Variants in FAM47E observed in about 807,000 individuals in gnomAD.
The protein encoded by FAM47E is protein FAM47E.
FAM47E carries 32 observed loss-of-function variants against 41.6 expected under a neutral mutation model. That is an observed-to-expected ratio of 0.77 (90% CI 0.58 to 1.03). The LOEUF (loss-of-function observed/expected upper bound fraction) is 1.03, where lower values mean the gene tolerates loss of function less well. Ranked by LOEUF, FAM47E falls within the 50% of genes least tolerant of loss-of-function variation. The pLI, the probability that FAM47E is intolerant of heterozygous loss-of-function variation, is 0.00. For synonymous variants in FAM47E, 184 were observed against 188.7 expected (o/e 0.98, Z 0.20); for missense variants, 424 against 485.4 (o/e 0.87, Z 1.19).
In FAM47E at chr4:76,280,347, T is replaced by C. The variant is rs1265148345; in HGVS notation, c.1104+6T>C. Reference sequence around the variant, plus strand: ...GGGGCTACAGGACGCCACGTGTGAGTAAAGGGTCCTTTCAGAAGGCCCTGC... The same window carrying C: ...GGGGCTACAGGACGCCACGTGTGAGCAAAGGGTCCTTTCAGAAGGCCCTGC... On this transcript the variant is annotated splice_donor_region_variant and intron_variant, in intron 7 of 7. Transcript: ENST00000424749. The C allele has an allele frequency of 2.7e-6, 4 of 1,506,082 alleles. No individual in the cohort carries two copies. Among genetic ancestry groups the C allele is most frequent in the Middle Eastern group, 1.7e-4 (1 of 5,876 alleles). 93.3% of individuals were successfully genotyped at this position (1,506,082 alleles called of 1,614,324 possible).
In FAM47E at chr4:76,255,982, C is replaced by T. The variant is rs181786950; in HGVS notation, c.75-196C>T. On this transcript the variant is annotated intron_variant, in intron 1 of 7. Coordinates refer to ENST00000424749, the MANE Select transcript of FAM47E (RefSeq NM_001136570.3). Reference sequence around the variant, plus strand: ...AAGAAAGCAAGAGAGGGGCTTTGTACGGAGCAGCAATTCTGTGCTATGAAC... The same window carrying T: ...AAGAAAGCAAGAGAGGGGCTTTGTATGGAGCAGCAATTCTGTGCTATGAAC... 8.7e-4 allele frequency among the ~76,000 whole-genome samples: 132 copies of T among 152,166 alleles called. 2 individuals are homozygous for T. The highest frequency in any genetic ancestry group is 2.8e-3 in the African/African-American group (118 of 41,460).
At chr4:76,250,182 G>A (rs115229447), upstream of FAM47E, among the ~76,000 whole-genome samples, 306 of 152,196 alleles carry the variant, frequency 2.0e-3, 3 homozygotes, top group African/African-American at 6.7e-3. Context: ...CACCAGCAGC[G>A]TAAAAGTGTT....
intron 2 of FAM47E, among the ~76,000 whole-genome samples, chr4:76,238,283 A>C (rs1474604230): frequency 2.6e-5 from 4 of 152,194 alleles, no homozygotes. Context: ...AGTCTGGTTC[A>C]CAGTCTTCAG....
intron 2 of FAM47E, among the ~76,000 whole-genome samples, chr4:76,221,244 G>A (rs984377394): frequency 2.6e-5 from 4 of 152,178 alleles, no homozygotes; most frequent in African/African-American, 9.7e-5. Flanking sequence ...GTAAGCTTGG[G>A]CGACCACTGC....
intron 3 of FAM47E, 24 bp from the exon 4 acceptor site, chr4:76,268,636 A>G: frequency 1.3e-6 from 2 of 1,546,104 alleles, no homozygotes; most frequent in Non-Finnish European, 1.7e-6. Context: ...TCATATTGTA[A>G]TTCTTTAATG....
intron 2 of FAM47E, among the ~76,000 whole-genome samples, chr4:76,235,286 C>T (rs988888137): frequency 6.6e-6 from 1 of 152,058 alleles, no homozygotes; most frequent in African/African-American, 2.4e-5. Flanking sequence ...CCGCTGCACT[C>T]CAGCCTGGAC....
At chr4:76,240,558 C>T (rs1047065391) in intron 2 of FAM47E, among the ~76,000 whole-genome samples, 1 of 152,064 alleles carries the variant, frequency 6.6e-6, no homozygotes, top group African/African-American at 2.4e-5. Context: ...CCTACAGGTC[C>T]TTTAGGCTCT....
chr4:76,231,453 G>C (rs570816134), intron 2 of FAM47E, among the ~76,000 whole-genome samples: 2 of 152,308 alleles, frequency 1.3e-5, no homozygotes, highest in African/African-American at 4.8e-5. Flanking sequence ...CAACTAGTGA[G>C]TTTAGAATTT....
intron 2 of FAM47E, 56 bp downstream of exon 2, chr4:76,256,579 TATCTAA>T (rs1734202889): frequency 1.4e-6 from 2 of 1,469,918 alleles, no homozygotes; most frequent in Non-Finnish European, 1.8e-6. Flanking sequence ...CAAATAATTC[TATCTAA>T]ATGTCTAGGA....
chr4:76,280,283 T>C lies in FAM47E; in HGVS notation c.1046T>C (p.Leu349Pro). 1 of 1,550,512 alleles carries C rather than the reference T, an allele frequency of 6.4e-7. No homozygotes were observed. Among genetic ancestry groups the C allele is most frequent in the South Asian group, 1.2e-5 (1 of 83,968 alleles). ...LQEQEELLAD[L>P]HGTVAFKDFI... The stretch of plus-strand genomic sequence containing the variant: ...TTTTAGGAGGAGTTACTTGCAGACC[T>C]TCACGGAACAGTTGCCTTTAAGGAT... Residue 349 changes from leucine to proline, a missense_variant, in exon 7 of 8, where the codon CTT becomes CCT. Physicochemically the swap from Leu to Pro is moderately conservative, Grantham distance 98. Transcript: ENST00000424749.
chr4:76,256,603 A>T, intron 2 of FAM47E, 80 bp downstream of exon 2: 1 of 1,424,344 alleles, frequency 7.0e-7, no homozygotes, highest in Non-Finnish European at 9.3e-7. Flanking sequence ...GGAAGTCCCC[A>T]TGAGAGGGTG....
intron 5 of FAM47E, among the ~76,000 whole-genome samples, chr4:76,273,047 G>A (rs1049101013): frequency 6.6e-6 from 1 of 152,106 alleles, no homozygotes; most frequent in African/African-American, 2.4e-5. Flanking sequence ...TACCTGTAGG[G>A]GTTATGTTCC....
At chr4:76,215,720 C>T (rs1733194278) in intron 1 of FAM47E, among the ~76,000 whole-genome samples, 1 of 152,042 alleles carries the variant, frequency 6.6e-6, no homozygotes, top group Non-Finnish European at 1.5e-5. Context: ...GTTCAGCTAC[C>T]CGGAGACTGC....
At chr4:76,248,660 T>C (rs139937022), upstream of FAM47E, among the ~76,000 whole-genome samples, 5 of 152,274 alleles carry the variant, frequency 3.3e-5, no homozygotes, top group African/African-American at 7.2e-5. Context: ...TTGCTAGTGT[T>C]TGCTGAATAA....
At chr4:76,256,615 C>T (rs1734204129) in intron 2 of FAM47E, 92 bp downstream of exon 2, 4 of 1,390,376 alleles carry the variant, frequency 2.9e-6, no homozygotes, top group Non-Finnish European at 3.8e-6. Context: ...GAGAGGGTGA[C>T]ATATTTATAA....
intron 2 of FAM47E, among the ~76,000 whole-genome samples, chr4:76,240,626 C>A (rs1019704173): frequency 5.3e-5 from 8 of 152,064 alleles, no homozygotes; most frequent in Admixed American, 5.2e-4. Flanking sequence ...CTTGTCCTTT[C>A]TTCAAGTTTG....
chr4:76,272,502 A>G (rs1258068079), intron 5 of FAM47E, among the ~76,000 whole-genome samples: 1 of 152,198 alleles, frequency 6.6e-6, no homozygotes, highest in African/African-American at 2.4e-5. Flanking sequence ...AATATTTGGG[A>G]CATATTAATT....
At chr4:76,276,776 A>G (rs1177405097) in intron 5 of FAM47E, among the ~76,000 whole-genome samples, 1 of 152,170 alleles carries the variant, frequency 6.6e-6, no homozygotes, top group South Asian at 2.1e-4. Flanking sequence ...GTGTAGAGGC[A>G]CTGAGGCAGA....
At chr4:76,223,759 C>A (rs1040270913) in intron 2 of FAM47E, among the ~76,000 whole-genome samples, 3 of 152,204 alleles carry the variant, frequency 2.0e-5, no homozygotes, top group Non-Finnish European at 4.4e-5. Context: ...TTTTCCATAA[C>A]CCTTCTTCAG....
Sources: allele counts gnomAD v4.1 joint callset (sites outside exome capture counted in the v4.1 genomes callset), GRCh38; gene constraint gnomAD v4.1.1; transcripts MANE v1.5; gene names NCBI Gene and HGNC (gene_info 2026-07-23, HGNC 2026-07-21).